Variants in CETP observed in about 807,000 individuals in gnomAD.
CETP encodes the protein cholesteryl ester transfer protein.
In CETP, 56 loss-of-function variants were observed where a neutral mutation model predicts 66.5. The observed-to-expected ratio is 0.84, with a 90% confidence interval of 0.68 to 1.05. CETP has a LOEUF of 1.05. Among genes scored for constraint, CETP ranks in the 50% least tolerant of loss-of-function variants. The pLI, the probability that CETP is intolerant of heterozygous loss-of-function variation, is 0.00. For synonymous variants in CETP, 251 were observed against 245.7 expected, an observed-to-expected ratio of 1.02 and a Z score of -0.20; for missense variants, 612 against 609.6, an observed-to-expected ratio of 1.00 and a Z score of -0.04.
intron 12 of CETP, 68 bp from the exon 13 acceptor site, chr16:56,981,579 C>T: frequency 1.3e-6 from 2 of 1,556,682 alleles, no homozygotes; most frequent in Non-Finnish European, 1.8e-6. Context: ...CTTAGAGTTT[C>T]TTTCCCAGGG....
chr16:56,983,561 C>A (rs767830844), intron 15 of CETP, 31 bp from the exon 16 acceptor site: 1 of 1,612,876 alleles, frequency 6.2e-7, no homozygotes, highest in Non-Finnish European at 8.5e-7. Flanking sequence ...CAGCCCAGCT[C>A]GCCCCTCTCT....
At chr16:56,977,783 A>AT (rs1239882745) in intron 10 of CETP, among the ~76,000 whole-genome samples, 1 of 151,862 alleles carries the variant, frequency 6.6e-6, no homozygotes, top group Non-Finnish European at 1.5e-5. Flanking sequence ...GGTAGGATCT[A>AT]TGATTATCCC....
intron 13 of CETP, 67 bp downstream of exon 13, chr16:56,981,747 C>A (rs1329587328): frequency 2.6e-6 from 4 of 1,517,886 alleles, no homozygotes; most frequent in African/African-American, 1.4e-5. Flanking sequence ...AGAAAGCAGG[C>A]GGAGGGCCCT....
chr16:56,968,105 T>G (rs2056081236), intron 2 of CETP, among the ~76,000 whole-genome samples: 1 of 152,116 alleles, frequency 6.6e-6, no homozygotes, highest in Non-Finnish European at 1.5e-5. Context: ...AGTATATATT[T>G]ATGGGGTACA....
rs533943284 is a variant in CETP at position 56,980,857 on chromosome 16, G to A, written c.1147-301G>A. Among the ~76,000 whole-genome samples, 3 of 152,344 alleles carry A rather than the reference G, an allele frequency of 2.0e-5. No homozygotes were observed. In the East Asian group the frequency reaches 5.8e-4, roughly 29 times the overall value. ...CAATCGCTTGAACCTGGGACGTGGA[G>A]GTTGCAGTGAGCTGAGATCGTGCCA... On this transcript the variant is annotated intron_variant, in intron 11 of 15. Transcript: ENST00000200676.
intron 9 of CETP, 57 bp downstream of exon 9, chr16:56,973,567 TGTGC>T: frequency 1.3e-6 from 2 of 1,569,166 alleles, no homozygotes; most frequent in Non-Finnish European, 8.8e-7. Context: ...TATGTGTGTG[TGTGC>T]ACACGCATGG....
chr16:56,963,131 C>G lies in CETP; in HGVS notation c.233+7C>G. Reference sequence around the variant, plus strand: ...TCAAGTATGGGTTGCACAAGTGAGTCGGGCCTCGGGTGTGACCAGGCTGGG... The same window carrying G: ...TCAAGTATGGGTTGCACAAGTGAGTGGGGCCTCGGGTGTGACCAGGCTGGG... On this transcript the variant is annotated splice_region_variant and intron_variant, in intron 2 of 15. Transcript: ENST00000200676. 6.2e-7 allele frequency: 1 copy of G among 1,609,090 alleles called. No homozygotes were observed. The highest frequency in any genetic ancestry group is 2.2e-5 in the East Asian group (1 of 44,846).
Position 56,969,503 on chromosome 16 carries a change from C to G in CETP, c.351C>G (p.Gly117=). Residue 117 remains glycine (G), a synonymous_variant, in exon 3 of 16, where the codon GGC becomes GGG. Coordinates refer to ENST00000200676, the MANE Select transcript of CETP (RefSeq NM_000078.3). ...TCTTCAAGGGGACCCTGAAGTATGG[C>G]TACACCACTGCCTGGTGGTAAGCAT... is the stretch of plus-strand genomic sequence containing the variant. ...SVVFKGTLKY[G]YTTAWWLGID... 1 of 1,614,212 alleles carries G rather than the reference C, an allele frequency of 6.2e-7. No homozygotes were observed. Among genetic ancestry groups the G allele is most frequent in the Non-Finnish European group, 8.5e-7 (1 of 1,180,034 alleles).
In CETP at chr16:56,971,995, G is replaced by T; in HGVS notation, c.662G>T (p.Ser221Ile). The T allele has an allele frequency of 6.2e-7, 1 of 1,613,932 alleles. No individual in the cohort carries two copies. The highest frequency in any genetic ancestry group is 1.1e-5 in the South Asian group (1 of 91,084). The change falls in exon 8 of 16, where the codon AGC (serine) becomes ATC (isoleucine). Residue 221 changes from serine to isoleucine, a missense_variant. By Grantham distance (142) the Ser-to-Ile change is moderately radical. Coordinates refer to ENST00000200676, the MANE Select transcript of CETP (RefSeq NM_000078.3). ...CGTTGATCTTTTCCTCCTGCAGCCAGCATCCTTTCAGATGGAGACATTGGG... is the reference window on the plus strand; with the variant it reads ...CGTTGATCTTTTCCTCCTGCAGCCATCATCCTTTCAGATGGAGACATTGGG... ...MADFVQTRAA[S>I]ILSDGDIGVD...
In CETP at chr16:56,962,984, C is replaced by A; in HGVS notation, c.119-26C>A. ...AGGGGGCTTGGTGTGGGCCTGCAGC[C>A]CCTCATCCACTGCCCTCCCCTCTAG... On this transcript the variant is annotated intron_variant, in intron 1 of 15. Coordinates refer to ENST00000200676, the MANE Select transcript of CETP (RefSeq NM_000078.3). The A allele has an allele frequency of 2.5e-6, 4 of 1,600,956 alleles. No homozygotes were observed. The South Asian group carries it at 4.4e-5, about 18-fold the overall frequency.
intron 8 of CETP, among the ~76,000 whole-genome samples, chr16:56,972,389 C>A (rs1440056859): frequency 1.4e-4 from 2 of 13,810 alleles, no homozygotes; most frequent in Admixed American, 7.2e-4. Flanking sequence ...GGATTGTGGC[C>A]CCCCCCCAGG....
chr16:56,979,320 C>A (rs1224071698), intron 11 of CETP, among the ~76,000 whole-genome samples: 1 of 152,148 alleles, frequency 6.6e-6, no homozygotes, highest in Non-Finnish European at 1.5e-5. Flanking sequence ...ACAATCAATT[C>A]TCCTCAAATG....
chr16:56,974,572 G>C (rs1453290956), intron 9 of CETP, among the ~76,000 whole-genome samples: 1 of 152,218 alleles, frequency 6.6e-6, no homozygotes, highest in Non-Finnish European at 1.5e-5. Context: ...TAGTAACTGT[G>C]CATTAAATAT....
Position 56,962,027 on chromosome 16 carries a change from T to C in CETP, c.48T>C (p.His16=), listed in dbSNP as rs767475225. 3 of 1,614,148 alleles carry C rather than the reference T, an allele frequency of 1.9e-6. No individual in the cohort carries two copies. In the South Asian group the frequency reaches 3.3e-5, roughly 18 times the overall value. The part of the protein sequence containing the change: ...VLTLALLGNA[H]ACSKGTSHEA... ...CCCTGGCCCTGCTGGGCAATGCCCA[T>C]GCCTGCTCCAAAGGCACCTCGCACG... is the stretch of plus-strand genomic sequence containing the variant. The change falls in exon 1 of 16, where the codon CAT becomes CAC. Residue 16 remains histidine, a synonymous_variant. Coordinates refer to ENST00000200676, the MANE Select transcript of CETP (RefSeq NM_000078.3).
At chr16:56,962,125 G>GC (rs755268936) in intron 1 of CETP, 28 bp downstream of exon 1, 54 of 1,583,880 alleles carry the variant, frequency 3.4e-5, no homozygotes, top group Non-Finnish European at 4.2e-5. Context: ...TGTCTGCCCT[G>GC]CCAGGGGTCT....
intron 2 of CETP, among the ~76,000 whole-genome samples, chr16:56,964,101 A>G (rs896212961): frequency 5.3e-5 from 8 of 151,308 alleles, no homozygotes; most frequent in African/African-American, 1.7e-4. Flanking sequence ...ATCTCAGCTC[A>G]CTGCAACCTC....
chr16:56,974,867 C>T (rs532320761), intron 9 of CETP, among the ~76,000 whole-genome samples: 8 of 152,288 alleles, frequency 5.3e-5, no homozygotes, highest in Non-Finnish European at 8.8e-5. Flanking sequence ...GAGACTTGTG[C>T]GAGGTCACAC....
intron 3 of CETP, 35 bp from the exon 4 acceptor site, chr16:56,969,576 C>T (rs200309082): frequency 5.0e-6 from 8 of 1,614,114 alleles, no homozygotes; most frequent in Non-Finnish European, 6.8e-6. Flanking sequence ...GGCTGGAGGG[C>T]TGAATGAGGG....
At chr16:56,966,724 C>A (rs375265607) in intron 2 of CETP, among the ~76,000 whole-genome samples, 1 of 151,848 alleles carries the variant, frequency 6.6e-6, no homozygotes, top group Non-Finnish European at 1.5e-5. Context: ...CTCAACCTCC[C>A]GAGCAGCTGG....
Sources: allele counts gnomAD v4.1 joint callset (sites outside exome capture counted in the v4.1 genomes callset), GRCh38; gene constraint gnomAD v4.1.1; transcripts MANE v1.5; gene names NCBI Gene and HGNC (gene_info 2026-07-23, HGNC 2026-07-21).